Variants in SGCD observed in about 807,000 individuals in gnomAD.
SGCD encodes the protein delta-sarcoglycan.
SGCD carries 18 observed loss-of-function variants against 36.6 expected under a neutral mutation model. That is an observed-to-expected ratio of 0.49 (90% CI 0.34 to 0.73). SGCD has a LOEUF of 0.73. SGCD is among the 30% of genes least tolerant of loss of function. SGCD has a pLI of 0.01. For missense variants in SGCD, 387 were observed against 346.7 expected, an observed-to-expected ratio of 1.12 and a Z score of -0.92; for synonymous variants, 133 against 130.6, an observed-to-expected ratio of 1.02 and a Z score of -0.12.
intron 4 of SGCD, among the ~76,000 whole-genome samples, chr5:156,560,645 T>C (rs1376452674): frequency 6.6e-6 from 1 of 152,182 alleles, no homozygotes; most frequent in African/African-American, 2.4e-5. Context: ...TTGTTAGTGT[T>C]TAGGATGAGA....
chr5:156,716,128 G>C (rs564560345), intron 7 of SGCD, among the ~76,000 whole-genome samples: 2 of 152,268 alleles, frequency 1.3e-5, no homozygotes, highest in East Asian at 1.9e-4. Flanking sequence ...CAGCCTCTGA[G>C]CTACCCCACA....
At chr5:155,755,317 A>C in the SGCD span, among the ~76,000 whole-genome samples, 1 of 152,228 alleles carries the variant, frequency 6.6e-6, no homozygotes, top group African/African-American at 2.4e-5. Context: ...CATAAACCAC[A>C]AAAATAACAT....
At chr5:155,823,062 A>ATATCTATCTATCTATCTATC in the SGCD span, among the ~76,000 whole-genome samples, 105 of 145,282 alleles carry the variant, frequency 7.2e-4, no homozygotes, top group Admixed American at 1.6e-3. Flanking sequence ...CTATATCTCT[A>ATATCTATCTATCTATCTATC]TATCTATCTA....
intron 3 of SGCD, among the ~76,000 whole-genome samples, chr5:156,195,734 C>G (rs1764010023): frequency 6.6e-6 from 1 of 152,162 alleles, no homozygotes; most frequent in Non-Finnish European, 1.5e-5. Context: ...ATCTCCTAGT[C>G]TGTTTGTGGT....
At chr5:156,205,484 A>G (rs573305219) in intron 3 of SGCD, among the ~76,000 whole-genome samples, 2 of 152,280 alleles carry the variant, frequency 1.3e-5, no homozygotes, top group East Asian at 3.9e-4. Flanking sequence ...TTGAAAGACA[A>G]TCATACAGGC....
At chr5:156,205,684 G>T (rs1423420703) in intron 3 of SGCD, among the ~76,000 whole-genome samples, 1 of 152,000 alleles carries the variant, frequency 6.6e-6, no homozygotes, top group Non-Finnish European at 1.5e-5. Context: ...AAAGGTACAG[G>T]ATAGTTACTT....
At chr5:156,285,647 TCCTTACA>T (rs2127675142) in intron 3 of SGCD, among the ~76,000 whole-genome samples, 1 of 152,260 alleles carries the variant, frequency 6.6e-6, no homozygotes. Flanking sequence ...CTGGATCCCT[TCCTTACA>T]CCTTACACAA....
chr5:155,939,378 C>T (rs1326656642), intron 1 of SGCD, among the ~76,000 whole-genome samples: 2 of 152,018 alleles, frequency 1.3e-5, no homozygotes, highest in South Asian at 2.1e-4. Context: ...CAGTGGCTCA[C>T]GCCTGTAATC....
intron 1 of SGCD, among the ~76,000 whole-genome samples, chr5:155,935,440 C>G (rs1757175571): frequency 6.6e-6 from 1 of 151,940 alleles, no homozygotes; most frequent in Non-Finnish European, 1.5e-5. Flanking sequence ...GAGATTGATG[C>G]TACAAAATTA....
chr5:156,572,773 A>G (rs1049142120), intron 4 of SGCD, among the ~76,000 whole-genome samples: 3 of 152,170 alleles, frequency 2.0e-5, no homozygotes, highest in Admixed American at 6.5e-5. Flanking sequence ...TCCTCTTTTG[A>G]CATCACCCCT....
chr5:155,763,335 C>T, the SGCD span, among the ~76,000 whole-genome samples: 1 of 152,034 alleles, frequency 6.6e-6, no homozygotes, highest in Non-Finnish European at 1.5e-5. Context: ...AGAGGGAGTA[C>T]CAATTGAAGA....
the SGCD span, among the ~76,000 whole-genome samples, chr5:155,850,418 CAGAG>C: frequency 1.3e-5 from 2 of 149,174 alleles, no homozygotes; most frequent in Non-Finnish European, 3.0e-5. Flanking sequence ...GAGACAGAGA[CAGAG>C]AGAGAGAGAG....
chr5:156,521,707 G>T (rs1757414373), intron 4 of SGCD, among the ~76,000 whole-genome samples: 1 of 152,164 alleles, frequency 6.6e-6, no homozygotes, highest in Non-Finnish European at 1.5e-5. Context: ...AGATGCTAGT[G>T]AGGCTGTGGG....
chr5:155,768,478 G>A, the SGCD span, among the ~76,000 whole-genome samples: 12 of 152,072 alleles, frequency 7.9e-5, no homozygotes, highest in Admixed American at 3.3e-4. Flanking sequence ...TGGGAAATGC[G>A]TAAATAAGTC....
At chr5:156,651,943 A>G (rs938925086) in intron 7 of SGCD, among the ~76,000 whole-genome samples, 1 of 151,954 alleles carries the variant, frequency 6.6e-6, no homozygotes, top group Non-Finnish European at 1.5e-5. Context: ...TGTGTCAACT[A>G]TGATTTGTTT....
chr5:155,738,316 T>C, the SGCD span, among the ~76,000 whole-genome samples: 1 of 152,238 alleles, frequency 6.6e-6, no homozygotes, highest in East Asian at 1.9e-4. Flanking sequence ...CCCTCATCCC[T>C]GATCCCAAGT....
intron 3 of SGCD, among the ~76,000 whole-genome samples, chr5:156,482,830 T>TGTTTG (rs1231031392): frequency 1.4e-5 from 2 of 145,968 alleles, no homozygotes; most frequent in Non-Finnish European, 3.0e-5. Context: ...TTTTTTTTTT[T>TGTTTG]TTTTTTTTAA....
At chr5:155,909,665 G>A (rs1172325261) in intron 1 of SGCD, among the ~76,000 whole-genome samples, 1 of 152,150 alleles carries the variant, frequency 6.6e-6, no homozygotes, top group Non-Finnish European at 1.5e-5. Context: ...TGAGATCACT[G>A]TGCAGTTCTT....
At chr5:156,130,819 C>G (rs1038330602) in intron 3 of SGCD, among the ~76,000 whole-genome samples, 1 of 152,058 alleles carries the variant, frequency 6.6e-6, no homozygotes, top group Non-Finnish European at 1.5e-5. Flanking sequence ...CTCTGCCTCC[C>G]AGGTTCAAGT....
Sources: allele counts gnomAD v4.1 joint callset (sites outside exome capture counted in the v4.1 genomes callset), GRCh38; gene constraint gnomAD v4.1.1; transcripts MANE v1.5; gene names NCBI Gene and HGNC (gene_info 2026-07-23, HGNC 2026-07-21).